The following ZNF595 variants were observed in gnomAD, a reference collection of about 807,000 sequenced individuals.
The protein encoded by ZNF595 is zinc finger protein 595.
In ZNF595, 9 loss-of-function variants were observed where a neutral mutation model predicts 19.4. That is an observed-to-expected ratio of 0.46 (90% confidence interval 0.28 to 0.81). ZNF595 has a LOEUF of 0.81. Ranked by LOEUF, ZNF595 falls within the 30% of genes least tolerant of loss-of-function variation. The probability of loss-of-function intolerance (pLI) is 0.11; values close to 1 mark genes in which losing one functional copy is unlikely to be tolerated. For synonymous variants in ZNF595, 255 were observed against 255.9 expected (o/e 1.00, Z 0.03); for missense variants, 729 against 736.0 (o/e 0.99, Z 0.11).
At chr4:75,292 G>A (rs2108756892) in intron 3 of ZNF595, among the ~76,000 whole-genome samples, 1 of 152,284 alleles carries the variant, frequency 6.6e-6, no homozygotes, top group East Asian at 1.9e-4. Flanking sequence ...GCACAATCCT[G>A]GATGCCAGGA....
At chr4:60,666 T>A (rs1346234146) in intron 3 of ZNF595, among the ~76,000 whole-genome samples, 39 of 150,632 alleles carry the variant, frequency 2.6e-4, no homozygotes, top group African/African-American at 9.0e-4. Flanking sequence ...ATGTGCAGGT[T>A]AGTGACATAC....
At chr4:70,241 C>T (rs1713371137) in intron 3 of ZNF595, among the ~76,000 whole-genome samples, 1 of 151,966 alleles carries the variant, frequency 6.6e-6, no homozygotes, top group Non-Finnish European at 1.5e-5. Context: ...GTCTCTAATC[C>T]ATTTTGATTT....
chr4:77,276 G>C (rs1553798878), intron 3 of ZNF595, among the ~76,000 whole-genome samples: 2 of 150,490 alleles, frequency 1.3e-5, no homozygotes, highest in African/African-American at 4.9e-5. Context: ...ATATCCATTT[G>C]GTTCTCTTTC....
intron 3 of ZNF595, among the ~76,000 whole-genome samples, chr4:80,647 T>C (rs1167417874): frequency 6.6e-6 from 1 of 152,090 alleles, no homozygotes; most frequent in African/African-American, 2.4e-5. Flanking sequence ...GGGGTTGTTC[T>C]CTGGCAGGCA....
intron 3 of ZNF595, among the ~76,000 whole-genome samples, chr4:78,167 T>C (rs1713753704): frequency 6.6e-6 from 1 of 152,084 alleles, no homozygotes. Flanking sequence ...CGCGGCCACG[T>C]CCGGCTAATT....
chr4:75,773 T>C (rs554282195), intron 3 of ZNF595, among the ~76,000 whole-genome samples: 1 of 152,036 alleles, frequency 6.6e-6, no homozygotes, highest in East Asian at 1.9e-4. Context: ...CTTTTTCTTT[T>C]GTATGTATCT....
At chr4:60,838 A>G (rs1581322397) in intron 3 of ZNF595, among the ~76,000 whole-genome samples, 1 of 152,404 alleles carries the variant, frequency 6.6e-6, no homozygotes, top group East Asian at 1.9e-4. Flanking sequence ...TCAAAATGTT[A>G]TTTTGTATAA....
intron 3 of ZNF595, among the ~76,000 whole-genome samples, chr4:66,837 T>G (rs1286892759): frequency 6.7e-6 from 1 of 150,302 alleles, no homozygotes; most frequent in Admixed American, 6.6e-5. Flanking sequence ...TTATTTAGCT[T>G]TGTTATCTGT....
In ZNF595 at chr4:86,907, A is replaced by G. The variant is rs180742908; in HGVS notation, c.1403A>G (p.Asn468Ser). Residue 468 changes from asparagine to serine, a missense_variant, in exon 4 of 4, where the codon AAC becomes AGC. Physicochemically the swap from Asn to Ser is conservative, Grantham distance 46. This residue lies in a region of ZNF595 where 729 missense variants were observed against 675.3 expected (regional missense o/e 1.08). Transcript: ENST00000610261. ...GCCTTTACACGGTCCACAACACTGA[A>G]CGAACATAAGAAAATTCATACTGGC... ...GKAFTRSTTLNEHKKIHTGEK... is the reference protein window; with the variant it reads ...GKAFTRSTTLSEHKKIHTGEK... 6.0e-3 allele frequency: 9,734 copies of G among 1,610,522 alleles called. 49 individuals carry two copies. Among genetic ancestry groups the G allele is most frequent in the Middle Eastern group, 7.1e-3 (43 of 6,048 alleles).
chr4:69,486 A>G (rs1187517433), intron 3 of ZNF595, among the ~76,000 whole-genome samples: 1 of 152,190 alleles, frequency 6.6e-6, no homozygotes. Context: ...CATTTCTCTG[A>G]TGATATTGAT....
intron 3 of ZNF595, among the ~76,000 whole-genome samples, chr4:69,190 A>G (rs975632295): frequency 1.3e-5 from 2 of 152,216 alleles, no homozygotes; most frequent in Non-Finnish European, 2.9e-5. Flanking sequence ...AATCTTGGCT[A>G]ATGTGAACAC....
chr4:63,098 G>A (rs1298090812), intron 3 of ZNF595, among the ~76,000 whole-genome samples: 2 of 122,860 alleles, frequency 1.6e-5, no homozygotes, highest in African/African-American at 6.8e-5. Context: ...ATTATTGGTG[G>A]CCTTGTCAAA....
rs1553802104 is a variant in ZNF595 at position 87,348 on chromosome 4, C to T, written c.1844C>T (p.Thr615Ile). Reference protein sequence around the residue: ...SSLTKHKIIHTGEKSYKCEEC... With the variant: ...SSLTKHKIIHIGEKSYKCEEC... The stretch of plus-strand genomic sequence containing the variant: ...CTTACTAAACATAAGATAATTCATA[C>T]TGGAGAGAAATCCTACAAATGTGAA... Residue 615 changes from threonine (T) to isoleucine (I), a missense_variant, in exon 4 of 4, where the codon ACT (threonine) becomes ATT (isoleucine). Thr to Ile is a moderately conservative substitution (Grantham distance 89, BLOSUM62 -1). Around this residue, in one of 2 missense-constraint regions of ZNF595, gnomAD observed 729 missense variants for 675.3 expected, o/e 1.08. Transcript: ENST00000610261. 3 of 1,613,578 alleles carry T rather than the reference C, an allele frequency of 1.9e-6. No homozygotes were observed. The highest frequency in any genetic ancestry group is 1.7e-5 in the Admixed American group (1 of 59,984).
chr4:74,929 T>C (rs1553798451), intron 3 of ZNF595, among the ~76,000 whole-genome samples: 3 of 152,220 alleles, frequency 2.0e-5, no homozygotes, highest in African/African-American at 7.2e-5. Flanking sequence ...ACAATATATT[T>C]ATGTGCTTCT....
chr4:80,178 A>G (rs1409275170), intron 3 of ZNF595, among the ~76,000 whole-genome samples: 1 of 152,184 alleles, frequency 6.6e-6, no homozygotes, highest in Non-Finnish European at 1.5e-5. Context: ...ATGCACCACC[A>G]TGCCCGGCTA....
chr4:76,366 A>G (rs1161266054), intron 3 of ZNF595, among the ~76,000 whole-genome samples: 3 of 152,162 alleles, frequency 2.0e-5, no homozygotes, highest in Admixed American at 1.3e-4. Context: ...CACACTATTT[A>G]TGTCATACTT....
intron 3 of ZNF595, among the ~76,000 whole-genome samples, chr4:82,798 T>A (rs1421664211): frequency 6.6e-6 from 1 of 152,214 alleles, no homozygotes; most frequent in Non-Finnish European, 1.5e-5. Flanking sequence ...TAACAGGTGG[T>A]CTATCAAGGA....
Position 86,157 on chromosome 4 carries a change from A to G in ZNF595, c.653A>G (p.His218Arg), listed in dbSNP as rs1368989295. 8 of 1,613,706 alleles carry G rather than the reference A, an allele frequency of 5.0e-6. No individual in the cohort carries two copies. Among genetic ancestry groups the G allele is most frequent in the South Asian group, 2.2e-5 (2 of 91,072 alleles). ...AATAGGTCCACATCACTTAGTAAAC[A>G]TAAGAGAATTCATACTGGAGAGAAA... is the stretch of plus-strand genomic sequence containing the variant. ...AFNRSTSLSK[H>R]KRIHTGEKPY... The change falls in exon 4 of 4, where the codon CAT (histidine) becomes CGT (arginine). Residue 218 changes from histidine (H) to arginine (R), a missense_variant. By Grantham distance (29) the His-to-Arg change is conservative. This residue lies in a region of ZNF595 where 729 missense variants were observed against 675.3 expected (regional missense o/e 1.08). Coordinates refer to ENST00000610261, the MANE Select transcript of ZNF595 (RefSeq NM_182524.4).
At chr4:61,056 A>T (rs1712839708) in intron 3 of ZNF595, among the ~76,000 whole-genome samples, 1 of 152,218 alleles carries the variant, frequency 6.6e-6, no homozygotes, top group Admixed American at 6.5e-5. Flanking sequence ...AATTTTTTTG[A>T]TACCCATCAC....
Sources: gnomAD v4.1 joint callset for allele counts (sites outside exome capture counted in the v4.1 genomes callset) on GRCh38, gnomAD v4.1.1 for gene constraint, gnomAD v4.1.1 regional missense constraint, MANE v1.5 for transcripts, NCBI Gene and HGNC (gene_info 2026-07-23, HGNC 2026-07-21) for gene names.